ROBO2: variants seen among roughly 807,000 people sequenced by gnomAD.
The protein encoded by ROBO2 is roundabout guidance receptor 2, also known as roundabout homolog 2.
In ROBO2, 53 loss-of-function variants were observed where a neutral mutation model predicts 160.8. The observed-to-expected ratio is 0.33, with a 90% CI of 0.26 to 0.41. ROBO2 has a LOEUF of 0.41. ROBO2 is among the 10% of genes least tolerant of loss of function. ROBO2 has a pLI of 1.00. For synonymous variants in ROBO2, 664 were observed against 611.7 expected (o/e 1.09, Z -1.26); for missense variants, 1,577 against 1,722.4 (o/e 0.92, Z 1.49).
At chr3:76,443,356 C>T (rs985115452) in intron 2 of ROBO2, among the ~76,000 whole-genome samples, 1 of 152,056 alleles carries the variant, frequency 6.6e-6, no homozygotes, top group Non-Finnish European at 1.5e-5. Flanking sequence ...GGAAAAAACA[C>T]AGTGAATACA....
intron 1 of ROBO2, among the ~76,000 whole-genome samples, chr3:75,922,622 ATTG>A (rs1418760469): frequency 6.6e-6 from 1 of 152,072 alleles, no homozygotes; most frequent in Non-Finnish European, 1.5e-5. Context: ...TAGATTCCCT[ATTG>A]TTAAACAAAA....
chr3:76,662,303 A>G (rs935757368), intron 2 of ROBO2, among the ~76,000 whole-genome samples: 4 of 152,160 alleles, frequency 2.6e-5, no homozygotes, highest in African/African-American at 9.7e-5. Flanking sequence ...CCATGTTACC[A>G]TAGGGCAACT....
chr3:76,339,482 G>A (rs1194898520), intron 2 of ROBO2, among the ~76,000 whole-genome samples: 1 of 152,084 alleles, frequency 6.6e-6, no homozygotes, highest in African/African-American at 2.4e-5. Flanking sequence ...TGGCATATGA[G>A]ATTATGTTAT....
chr3:76,380,888 T>C (rs2076585790), intron 2 of ROBO2, among the ~76,000 whole-genome samples: 1 of 152,130 alleles, frequency 6.6e-6, no homozygotes, highest in African/African-American at 2.4e-5. Flanking sequence ...ATTTCCATCA[T>C]GATAGAAATA....
At chr3:76,110,087 C>G (rs2070154824) in intron 2 of ROBO2, among the ~76,000 whole-genome samples, 1 of 151,142 alleles carries the variant, frequency 6.6e-6, no homozygotes, top group South Asian at 2.1e-4. Context: ...GCTTCTCATT[C>G]CATCTGTCTT....
chr3:76,372,805 C>T (rs1452444386), intron 2 of ROBO2, among the ~76,000 whole-genome samples: 1 of 151,886 alleles, frequency 6.6e-6, no homozygotes, highest in African/African-American at 2.4e-5. Flanking sequence ...ATTAGAACCT[C>T]TCACAATGAT....
intron 2 of ROBO2, among the ~76,000 whole-genome samples, chr3:76,563,128 C>T (rs2084303141): frequency 6.6e-6 from 1 of 151,708 alleles, no homozygotes; most frequent in African/African-American, 2.4e-5. Flanking sequence ...TGATGCTGTT[C>T]TGAATACCTT....
intron 1 of ROBO2, among the ~76,000 whole-genome samples, chr3:77,068,885 T>C (rs977465636): frequency 5.3e-5 from 8 of 152,156 alleles, no homozygotes; most frequent in Non-Finnish European, 1.2e-4. Context: ...CAAACTATAA[T>C]AAATTTTTTT....
intron 2 of ROBO2, among the ~76,000 whole-genome samples, chr3:76,907,572 A>G (rs1430041335): frequency 1.3e-5 from 2 of 152,132 alleles, no homozygotes; most frequent in East Asian, 3.9e-4. Context: ...GTCTGCCCCC[A>G]TGGATGAGCA....
intron 2 of ROBO2, among the ~76,000 whole-genome samples, chr3:77,257,697 C>T (rs779668026): frequency 1.7e-4 from 26 of 152,124 alleles, no homozygotes; most frequent in Non-Finnish European, 3.1e-4. Flanking sequence ...GGAATGACTG[C>T]GTAACTAATC....
chr3:77,119,773 C>T (rs1201035682), intron 2 of ROBO2, among the ~76,000 whole-genome samples: 2 of 152,112 alleles, frequency 1.3e-5, no homozygotes, highest in Non-Finnish European at 2.9e-5. Context: ...ACATAGCTAT[C>T]CATTTTTAGA....
At chr3:77,424,775 C>T (rs920907772) in intron 2 of ROBO2, among the ~76,000 whole-genome samples, 1 of 152,040 alleles carries the variant, frequency 6.6e-6, no homozygotes, top group African/African-American at 2.4e-5. Flanking sequence ...CGTGTGAAGT[C>T]ACAAAGAGAA....
At position 76,014,704 on chromosome 3, in the gene ROBO2, G is replaced by A. The variant is rs190261894; in HGVS notation, c.109+77102G>A. Among the ~76,000 whole-genome samples the A allele has an allele frequency of 2.0e-4, 30 of 152,300 alleles. 1 individual carries two copies. Among genetic ancestry groups the A allele is most frequent in the African/African-American group, 7.0e-4 (29 of 41,562 alleles). ...GCACTTTGGGAGGCCCAGGTGGGATGATCACTTTAGCCCAGAAGTTCAAGA... is the reference window on the plus strand; with the variant it reads ...GCACTTTGGGAGGCCCAGGTGGGATAATCACTTTAGCCCAGAAGTTCAAGA... On this transcript the variant is annotated intron_variant, in intron 2 of 26. Coordinates refer to the ROBO2 transcript ENST00000487694.
chr3:77,117,755 T>C (rs1056996037), intron 2 of ROBO2, among the ~76,000 whole-genome samples: 2 of 152,176 alleles, frequency 1.3e-5, no homozygotes, highest in Non-Finnish European at 2.9e-5. Flanking sequence ...CATTTGTAAA[T>C]CTTTCATGTG....
intron 2 of ROBO2, among the ~76,000 whole-genome samples, chr3:76,993,394 A>G (rs1299958208): frequency 1.3e-5 from 2 of 152,228 alleles, no homozygotes; most frequent in African/African-American, 2.4e-5. Flanking sequence ...AAAGTCACAT[A>G]CAAATTATTC....
chr3:76,006,205 T>C (rs2066015602), intron 2 of ROBO2, among the ~76,000 whole-genome samples: 1 of 152,164 alleles, frequency 6.6e-6, no homozygotes, highest in East Asian at 1.9e-4. Flanking sequence ...CATTTCATTT[T>C]CAGGGTAGAA....
chr3:76,466,727 T>A (rs2078381802), intron 2 of ROBO2, among the ~76,000 whole-genome samples: 1 of 151,994 alleles, frequency 6.6e-6, no homozygotes. Context: ...ATACATAGGT[T>A]ATATTGCCAA....
intron 2 of ROBO2, among the ~76,000 whole-genome samples, chr3:76,449,092 T>C (rs2077342270): frequency 6.6e-6 from 1 of 152,178 alleles, no homozygotes; most frequent in South Asian, 2.1e-4. Flanking sequence ...TCTTGACTTT[T>C]CCATTCATGT....
chr3:77,550,936 C>T, exon 8 of ROBO2: 1 of 1,613,006 alleles, frequency 6.2e-7, no homozygotes, highest in African/African-American at 1.3e-5. Context: ...ATCTGCCAGG[C>T]TTTAACTGTG....
Sources: gnomAD v4.1 joint callset for allele counts (sites outside exome capture counted in the v4.1 genomes callset) on GRCh38, gnomAD v4.1.1 for gene constraint, MANE v1.5 for transcripts, NCBI Gene and HGNC (gene_info 2026-07-23, HGNC 2026-07-21) for gene names.